Variants in PIK3AP1 observed in about 807,000 individuals in gnomAD.
PIK3AP1 encodes phosphoinositide 3-kinase adapter protein 1.
PIK3AP1 carries 21 observed loss-of-function variants against 88.1 expected under a neutral mutation model. The ratio of observed to expected loss-of-function variants is 0.24; its 90% CI spans 0.17 to 0.34. The LOEUF (loss-of-function observed/expected upper bound fraction) is 0.34, where lower values mean the gene tolerates loss of function less well. Ranked by LOEUF, PIK3AP1 falls within the 10% of genes least tolerant of loss-of-function variation. The pLI is 1.00. For missense variants in PIK3AP1, 828 were observed against 1,035.7 expected (o/e 0.80, Z 2.75); for synonymous variants, 398 against 400.0 (o/e 1.00, Z 0.06).
chr10:96,618,190 C>T (rs563258209), intron 12 of PIK3AP1, among the ~76,000 whole-genome samples: 1 of 152,262 alleles, frequency 6.6e-6, no homozygotes, highest in South Asian at 2.1e-4. Context: ...TGGACCAGCT[C>T]ATGGGAAGGG....
chr10:96,705,900 T>TG (rs1844356749), intron 2 of PIK3AP1, among the ~76,000 whole-genome samples: 1 of 137,760 alleles, frequency 7.3e-6, no homozygotes, highest in African/African-American at 2.8e-5. Flanking sequence ...TTTTTTTTTT[T>TG]TTTTTTTTTT....
At chr10:96,601,573 G>A (rs1318175363) in intron 16 of PIK3AP1, among the ~76,000 whole-genome samples, 2 of 151,966 alleles carry the variant, frequency 1.3e-5, no homozygotes, top group African/African-American at 2.4e-5. Context: ...AGGTAGGGGG[G>A]CTCTAGAGTC....
chr10:96,644,241 CAATG>C, intron 8 of PIK3AP1, among the ~76,000 whole-genome samples: 1 of 152,284 alleles, frequency 6.6e-6, no homozygotes, highest in South Asian at 2.1e-4. Context: ...CAGCCCTGCC[CAATG>C]AAGAGATGTT....
intron 1 of PIK3AP1, among the ~76,000 whole-genome samples, chr10:96,711,681 C>T (rs1187178779): frequency 1.3e-5 from 2 of 150,040 alleles, no homozygotes; most frequent in Non-Finnish European, 1.5e-5. Flanking sequence ...AACCAAAAAG[C>T]AACATGTACA....
chr10:96,710,436 A>C (rs1589551362), intron 1 of PIK3AP1, among the ~76,000 whole-genome samples: 1 of 151,958 alleles, frequency 6.6e-6, no homozygotes, highest in African/African-American at 2.4e-5. Context: ...TGGCCAGGCT[A>C]GTCTTGAACT....
chr10:96,636,841 G>C (rs984332803), intron 8 of PIK3AP1, among the ~76,000 whole-genome samples: 19 of 24,966 alleles, frequency 7.6e-4, no homozygotes, highest in African/African-American at 1.2e-3. Flanking sequence ...CAAGAAGCTT[G>C]AACAGTGAGA....
chr10:96,608,120 C>T (rs1475291846), intron 14 of PIK3AP1, among the ~76,000 whole-genome samples: 2 of 152,156 alleles, frequency 1.3e-5, no homozygotes, highest in Admixed American at 1.3e-4. Flanking sequence ...GGCTATCCCC[C>T]AAAAAACATA....
intron 2 of PIK3AP1, among the ~76,000 whole-genome samples, chr10:96,697,965 T>C (rs1412301206): frequency 6.6e-6 from 1 of 152,246 alleles, no homozygotes; most frequent in Non-Finnish European, 1.5e-5. Context: ...GTTTTTTCTT[T>C]TTATAAATCC....
chr10:96,601,245 G>A (rs980286570), intron 16 of PIK3AP1, among the ~76,000 whole-genome samples: 8 of 151,984 alleles, frequency 5.3e-5, no homozygotes, highest in South Asian at 2.1e-4. Flanking sequence ...AGGCTGAGGC[G>A]AGCAGATTAC....
At chr10:96,624,164 C>G (rs2134205022) in intron 10 of PIK3AP1, among the ~76,000 whole-genome samples, 1 of 152,286 alleles carries the variant, frequency 6.6e-6, no homozygotes, top group South Asian at 2.1e-4. Context: ...GTCCCTATTT[C>G]TTATCTGTAG....
intron 9 of PIK3AP1, 39 bp from the exon 10 acceptor site, chr10:96,626,944 A>G (rs753841766): frequency 6.4e-7 from 1 of 1,555,570 alleles, no homozygotes; most frequent in Non-Finnish European, 8.9e-7. Context: ...GCAGTGGCCA[A>G]ACAAACTGGG....
intron 8 of PIK3AP1, among the ~76,000 whole-genome samples, chr10:96,642,163 G>A (rs1043847881): frequency 3.3e-5 from 5 of 152,118 alleles, no homozygotes; most frequent in South Asian, 2.1e-4. Flanking sequence ...GGTGCCTCAC[G>A]CCTGTAATCC....
intron 16 of PIK3AP1, among the ~76,000 whole-genome samples, chr10:96,596,435 T>G (rs1409910003): frequency 6.6e-6 from 1 of 152,186 alleles, no homozygotes; most frequent in Non-Finnish European, 1.5e-5. Flanking sequence ...ACAAACTATC[T>G]TTTCAGTGGC....
In PIK3AP1 at chr10:96,651,667, G is replaced by A. The variant is rs1554958238; in HGVS notation, c.713-16C>T. 1.2e-6 allele frequency: 2 copies of A among 1,611,286 alleles called. No individual in the cohort carries two copies. Among genetic ancestry groups the A allele is most frequent in the South Asian group, 2.2e-5 (2 of 90,540 alleles). On this transcript the variant is annotated splice_polypyrimidine_tract_variant and intron_variant, in intron 4 of 16. Coordinates refer to ENST00000339364, the MANE Select transcript of PIK3AP1 (RefSeq NM_152309.3). ...GATGAAAGGTCTGAACAGAAGAAAAGACACTATCAAAATTCCCAGGAAAAA... is the reference window on the plus strand; with the variant it reads ...GATGAAAGGTCTGAACAGAAGAAAAAACACTATCAAAATTCCCAGGAAAAA...
At chr10:96,654,344 C>A (rs999866377) in intron 3 of PIK3AP1, among the ~76,000 whole-genome samples, 1 of 152,058 alleles carries the variant, frequency 6.6e-6, no homozygotes, top group African/African-American at 2.4e-5. Context: ...CTGGCCATAG[C>A]GAATCCCCAG....
chr10:96,705,829 T>G (rs1298867509), intron 2 of PIK3AP1, among the ~76,000 whole-genome samples: 1 of 147,440 alleles, frequency 6.8e-6, no homozygotes, highest in Admixed American at 6.8e-5. Flanking sequence ...ATCCTTCTGC[T>G]CCAGCCTCCC....
chr10:96,630,798 C>T lies in PIK3AP1; in HGVS notation c.1376-2305G>A, dbSNP rs116114854. Among the ~76,000 whole-genome samples, 431 of 152,016 alleles carry T rather than the reference C, an allele frequency of 2.8e-3. 2 individuals are homozygous for T. Among genetic ancestry groups the T allele is most frequent in the African/African-American group, 8.8e-3 (363 of 41,430 alleles). On this transcript the variant is annotated intron_variant, in intron 8 of 16. Transcript: ENST00000339364. ...ATCTGGCTGCAGTGAGTTAGGATCA[C>T]GCCACCGCACTGCAGCCTGGGTGAC...
At chr10:96,603,761 C>T in intron 15 of PIK3AP1, 1 of 495,004 alleles carries the variant, frequency 2.0e-6, no homozygotes, top group Non-Finnish European at 3.7e-6. Context: ...ATACACCTGT[C>T]CCCATTAAGC....
At chr10:96,697,995 A>G (rs1269033240) in intron 2 of PIK3AP1, among the ~76,000 whole-genome samples, 1 of 152,208 alleles carries the variant, frequency 6.6e-6, no homozygotes, top group Non-Finnish European at 1.5e-5. Context: ...TTCCATATCA[A>G]CACAAAGAGA....
Sources: allele counts gnomAD v4.1 joint callset (sites outside exome capture counted in the v4.1 genomes callset), GRCh38; gene constraint gnomAD v4.1.1; transcripts MANE v1.5; gene names NCBI Gene and HGNC (gene_info 2026-07-23, HGNC 2026-07-21).